C12orf42: variants seen among roughly 807,000 people sequenced by gnomAD.
C12orf42 encodes chromosome 12 open reading frame 42, also known as uncharacterized protein C12orf42.
A neutral mutation model predicts 21.6 loss-of-function variants in C12orf42; 25 were observed. That is an observed-to-expected ratio of 1.16 (90% CI 0.84 to 1.62). The LOEUF is 1.62. C12orf42 is among the 40% of genes most tolerant of loss of function. C12orf42 has a pLI of 0.00. For missense variants in C12orf42, 483 were observed against 459.3 expected (o/e 1.05, Z -0.47); for synonymous variants, 174 against 175.0 (o/e 0.99, Z 0.05).
At chr12:103,343,415 G>A (rs898201041) in intron 4 of C12orf42, among the ~76,000 whole-genome samples, 1 of 152,076 alleles carries the variant, frequency 6.6e-6, no homozygotes, top group African/African-American at 2.4e-5. Flanking sequence ...ATTTATAGAA[G>A]TCATTATGTA....
chr12:103,128,028 A>G, the C12orf42 span, among the ~76,000 whole-genome samples: 2 of 152,186 alleles, frequency 1.3e-5, no homozygotes, highest in Admixed American at 6.5e-5. Context: ...CTGAATGGCT[A>G]TAATACTTCT....
At chr12:103,279,404 T>A (rs2035967604) in intron 4 of C12orf42, among the ~76,000 whole-genome samples, 1 of 152,242 alleles carries the variant, frequency 6.6e-6, no homozygotes, top group Non-Finnish European at 1.5e-5. Flanking sequence ...GTTAAATATA[T>A]ATGTGTATAT....
intron 2 of C12orf42, among the ~76,000 whole-genome samples, chr12:103,421,950 A>G (rs1195437528): frequency 6.6e-6 from 1 of 152,226 alleles, no homozygotes. Flanking sequence ...AGATGGTCAG[A>G]AATTATATTA....
chr12:103,484,174 C>A (rs1328311346), intron 1 of C12orf42, among the ~76,000 whole-genome samples: 2 of 152,162 alleles, frequency 1.3e-5, no homozygotes, highest in South Asian at 4.1e-4. Context: ...TGTGTATATA[C>A]CCAGTAATGG....
chr12:103,296,345 G>T (rs906660652), intron 4 of C12orf42, among the ~76,000 whole-genome samples: 54 of 152,076 alleles, frequency 3.6e-4, no homozygotes, highest in Non-Finnish European at 4.9e-4. Flanking sequence ...TGTCTTTATA[G>T]CAGCATGATT....
chr12:103,146,619 G>A, the C12orf42 span, among the ~76,000 whole-genome samples: 1 of 89,696 alleles, frequency 1.1e-5, no homozygotes. Flanking sequence ...AAAAAGAAAA[G>A]TAAACACAGG....
At position 103,484,768 on chromosome 12, in the gene C12orf42, C is replaced by A. The variant is rs144401714; in HGVS notation, c.-21-6321G>T. Among the ~76,000 whole-genome samples the A allele has an allele frequency of 3.3e-5, 5 of 149,696 alleles. No individual in the cohort carries two copies. The East Asian group carries it at 9.9e-4, about 30-fold the overall frequency. On this transcript the variant is annotated intron_variant, in intron 1 of 5. Transcript: ENST00000548883. ...TCCTGAACAGTATTGCCTAGGTTTT[C>A]TTCTAAGGTTTTATGGTTTCAGGTC...
intron 4 of C12orf42, among the ~76,000 whole-genome samples, chr12:103,316,092 A>G (rs112943714): frequency 6.6e-6 from 1 of 150,644 alleles, no homozygotes; most frequent in Non-Finnish European, 1.5e-5. Flanking sequence ...TACTGTATAT[A>G]TATATACACA....
chr12:103,562,263 G>A, the C12orf42 span, among the ~76,000 whole-genome samples: 2 of 152,116 alleles, frequency 1.3e-5, no homozygotes, highest in Non-Finnish European at 2.9e-5. Context: ...CATGCTAGTG[G>A]TTGGAATAAC....
At chr12:103,052,532 A>T in the C12orf42 span, among the ~76,000 whole-genome samples, 1 of 151,896 alleles carries the variant, frequency 6.6e-6, no homozygotes, top group East Asian at 1.9e-4. Flanking sequence ...TGGATTTTTT[A>T]TTCTGATTCA....
the C12orf42 span, among the ~76,000 whole-genome samples, chr12:103,106,727 CA>C: frequency 3.3e-5 from 5 of 151,498 alleles, no homozygotes; most frequent in Non-Finnish European, 7.4e-5. Context: ...GAAGCACCAA[CA>C]AAAGAAAGCA....
At chr12:103,338,603 C>T (rs2041920852) in intron 4 of C12orf42, among the ~76,000 whole-genome samples, 1 of 152,222 alleles carries the variant, frequency 6.6e-6, no homozygotes, top group Non-Finnish European at 1.5e-5. Context: ...TAGAGCCCCT[C>T]CACAAGATAA....
At chr12:103,526,931 T>C in the C12orf42 span, among the ~76,000 whole-genome samples, 41 of 152,294 alleles carry the variant, frequency 2.7e-4, 1 homozygote, top group Middle Eastern at 6.8e-3. Context: ...TACCAAACAG[T>C]AGAACAGAAC....
chr12:103,364,996 C>T (rs537868350), intron 4 of C12orf42, among the ~76,000 whole-genome samples: 52 of 151,970 alleles, frequency 3.4e-4, no homozygotes, highest in African/African-American at 1.2e-3. Context: ...CAGTAGCACC[C>T]TAATATGAAA....
chr12:103,094,607 T>A, the C12orf42 span, among the ~76,000 whole-genome samples: 1 of 152,218 alleles, frequency 6.6e-6, no homozygotes, highest in Admixed American at 6.5e-5. Flanking sequence ...ATGACCCTTT[T>A]ATCTTTAAAT....
chr12:103,405,128 G>A (rs903084086), intron 2 of C12orf42, among the ~76,000 whole-genome samples: 3 of 152,056 alleles, frequency 2.0e-5, no homozygotes, highest in Non-Finnish European at 4.4e-5. Flanking sequence ...ACACTCTCTG[G>A]GACTCTGTTA....
At chr12:103,527,193 AG>A in the C12orf42 span, among the ~76,000 whole-genome samples, 10 of 152,234 alleles carry the variant, frequency 6.6e-5, no homozygotes, top group African/African-American at 2.4e-4. Flanking sequence ...AATTTCAGAA[AG>A]AAATGGTTTC....
At chr12:103,169,561 G>A in the C12orf42 span, among the ~76,000 whole-genome samples, 1 of 152,106 alleles carries the variant, frequency 6.6e-6, no homozygotes, top group Non-Finnish European at 1.5e-5. Flanking sequence ...TGAGTTTTAA[G>A]TCTAGAAAAC....
intron 3 of C12orf42, among the ~76,000 whole-genome samples, chr12:103,381,641 G>A (rs11611044): frequency 0.072 from 11,024 of 152,226 alleles, 666 homozygotes; most frequent in African/African-American, 0.16. Context: ...ATCTTGGGCC[G>A]GGTTGGTGGC....
Sources: gnomAD v4.1 joint callset for allele counts (sites outside exome capture counted in the v4.1 genomes callset) on GRCh38, gnomAD v4.1.1 for gene constraint, MANE v1.5 for transcripts, NCBI Gene and HGNC (gene_info 2026-07-23, HGNC 2026-07-21) for gene names.